The following CADM2 variants were observed in gnomAD, a reference collection of about 807,000 sequenced individuals.
CADM2 encodes the protein cell adhesion molecule 2.
A neutral mutation model predicts 49.8 loss-of-function variants in CADM2; 12 were observed. The ratio of observed to expected loss-of-function variants is 0.24; its 90% confidence interval spans 0.15 to 0.39. The LOEUF (loss-of-function observed/expected upper bound fraction) is 0.39. Ranked by LOEUF, CADM2 falls within the 10% of genes least tolerant of loss-of-function variation. CADM2 has a pLI of 1.00. For missense variants in CADM2, 378 were observed against 492.3 expected (o/e 0.77, Z 2.20); for synonymous variants, 214 against 175.4 (o/e 1.22, Z -1.74).
intron 1 of CADM2, among the ~76,000 whole-genome samples, chr3:85,167,018 T>A (rs1347412597): frequency 6.6e-6 from 1 of 152,100 alleles, no homozygotes; most frequent in African/African-American, 2.4e-5. Flanking sequence ...ATGCCTTAGT[T>A]CTTGTTTGTC....
At chr3:85,010,014 CA>C (rs2033914631) in intron 1 of CADM2, among the ~76,000 whole-genome samples, 1 of 150,370 alleles carries the variant, frequency 6.7e-6, no homozygotes, top group South Asian at 2.1e-4. Context: ...TCACTATAGA[CA>C]AAAGTAAACT....
At chr3:86,065,436 C>T (rs939194960) in intron 8 of CADM2, among the ~76,000 whole-genome samples, 169 bp from the exon 9 acceptor site, 12 of 152,162 alleles carry the variant, frequency 7.9e-5, no homozygotes, top group African/African-American at 2.9e-4. Flanking sequence ...GTTATATCCC[C>T]AGATACCTTG....
chr3:85,902,156 A>C (rs1454620647), intron 5 of CADM2, among the ~76,000 whole-genome samples: 2 of 152,050 alleles, frequency 1.3e-5, no homozygotes, highest in Non-Finnish European at 2.9e-5. Context: ...TGAGAACAGT[A>C]TTGCTGGACT....
At chr3:85,009,903 A>G (rs1328491403) in intron 1 of CADM2, among the ~76,000 whole-genome samples, 1 of 145,360 alleles carries the variant, frequency 6.9e-6, no homozygotes, top group African/African-American at 2.5e-5. Flanking sequence ...AAATAAATAA[A>G]TAAATATTTT....
intron 6 of CADM2, among the ~76,000 whole-genome samples, chr3:85,923,075 G>C (rs574673082): frequency 5.9e-4 from 89 of 151,996 alleles, no homozygotes; most frequent in Non-Finnish European, 1.1e-3. Context: ...CACCTGCCTC[G>C]GCCTCCCAAA....
intron 1 of CADM2, among the ~76,000 whole-genome samples, chr3:85,667,825 A>G (rs2065616552): frequency 6.6e-6 from 1 of 152,054 alleles, no homozygotes; most frequent in Admixed American, 6.6e-5. Flanking sequence ...CTATTTCCGC[A>G]TCCATACGAT....
chr3:86,073,457 A>G lies in CADM2; in HGVS notation c.*6674A>G, dbSNP rs1703389420. The G allele has an allele frequency of 6.6e-6, 1 of 152,074 alleles. No homozygotes were observed. The highest frequency in any genetic ancestry group is 1.5e-5 in the Non-Finnish European group (1 of 67,918). The allele number at this position is 152,074 out of a possible 1,614,324, so 9.4% of individuals were successfully genotyped here. ...CATATTGTAATATTTGGTACATGAC[A>G]CTTGCATGTTGATATGCCTATATAC... is the stretch of plus-strand genomic sequence containing the variant. On this transcript the variant is annotated 3_prime_UTR_variant, in exon 10 of 10. Transcript: ENST00000383699.
chr3:85,298,061 T>A lies in CADM2; in HGVS notation c.61+338393T>A, dbSNP rs114970262. On this transcript the variant is annotated intron_variant, in intron 1 of 9. Coordinates refer to ENST00000383699, the MANE Select transcript of CADM2 (RefSeq NM_001167675.2). Reference sequence around the variant, plus strand: ...AGTTTATTACCATATTATTTAGGGTTATGTTAGGGGAAAAAATGAACTCCT... The same window carrying A: ...AGTTTATTACCATATTATTTAGGGTAATGTTAGGGGAAAAAATGAACTCCT... Among the ~76,000 whole-genome samples the A allele has an allele frequency of 4.9e-3, 752 of 152,194 alleles. 6 individuals carry two copies. Among genetic ancestry groups the A allele is most frequent in the African/African-American group, 0.018 (728 of 41,544 alleles).
At chr3:86,062,517 C>T (rs1474648273) in intron 8 of CADM2, among the ~76,000 whole-genome samples, 2 of 152,090 alleles carry the variant, frequency 1.3e-5, no homozygotes, top group African/African-American at 4.8e-5. Context: ...GTGGCTCACA[C>T]CTGTAATCCC....
chr3:85,285,337 G>A (rs1485020768), intron 1 of CADM2, among the ~76,000 whole-genome samples: 2 of 152,112 alleles, frequency 1.3e-5, no homozygotes, highest in Non-Finnish European at 1.5e-5. Context: ...CAATGAATGA[G>A]TGTCGAGTAT....
At chr3:85,493,813 G>T (rs1292071968) in intron 1 of CADM2, among the ~76,000 whole-genome samples, 1 of 152,184 alleles carries the variant, frequency 6.6e-6, no homozygotes, top group Admixed American at 6.5e-5. Context: ...CTTCCGGCAA[G>T]ATTGAAAGAA....
At chr3:85,988,942 G>T (rs2108692517) in intron 8 of CADM2, among the ~76,000 whole-genome samples, 1 of 152,250 alleles carries the variant, frequency 6.6e-6, no homozygotes, top group African/African-American at 2.4e-5. Flanking sequence ...AGAAGCATGT[G>T]TTTTCAAAAA....
chr3:85,064,929 G>A (rs2036471899), intron 1 of CADM2, among the ~76,000 whole-genome samples: 1 of 152,084 alleles, frequency 6.6e-6, no homozygotes, highest in African/African-American at 2.4e-5. Flanking sequence ...CTAACTGGTT[G>A]TGTTTTTAAG....
intron 1 of CADM2, among the ~76,000 whole-genome samples, chr3:84,998,691 T>C (rs1452074298): frequency 6.6e-6 from 1 of 152,070 alleles, no homozygotes; most frequent in Non-Finnish European, 1.5e-5. Context: ...GTAAGAGCCT[T>C]ATAAAAAGGT....
At chr3:85,234,516 T>C (rs985170137) in intron 1 of CADM2, among the ~76,000 whole-genome samples, 3 of 152,146 alleles carry the variant, frequency 2.0e-5, no homozygotes, top group Admixed American at 6.6e-5. Flanking sequence ...TTGTAAACCA[T>C]GAAACTGTAA....
At chr3:85,184,410 T>C (rs1213221489) in intron 1 of CADM2, among the ~76,000 whole-genome samples, 1 of 152,242 alleles carries the variant, frequency 6.6e-6, no homozygotes. Flanking sequence ...CTAATACTTA[T>C]TGCATTTTTT....
intron 1 of CADM2, among the ~76,000 whole-genome samples, chr3:85,408,722 G>T (rs1333309242): frequency 1.3e-5 from 2 of 152,102 alleles, no homozygotes; most frequent in African/African-American, 4.8e-5. Context: ...AAGGACATGT[G>T]CTTTTTCTTT....
intron 1 of CADM2, among the ~76,000 whole-genome samples, chr3:85,146,216 C>T (rs1335930909): frequency 1.3e-5 from 2 of 152,176 alleles, no homozygotes; most frequent in Admixed American, 1.3e-4. Flanking sequence ...TAACAACACC[C>T]AAATAACCAA....
chr3:85,789,262 G>C (rs1346438943), intron 2 of CADM2, among the ~76,000 whole-genome samples: 1 of 152,104 alleles, frequency 6.6e-6, no homozygotes, highest in East Asian at 1.9e-4. Flanking sequence ...CTATGAACCA[G>C]ACTGTGATTG....
Sources: allele counts gnomAD v4.1 joint callset (sites outside exome capture counted in the v4.1 genomes callset), GRCh38; gene constraint gnomAD v4.1.1; transcripts MANE v1.5; gene names NCBI Gene and HGNC (gene_info 2026-07-23, HGNC 2026-07-21).